NEB: variants seen among roughly 807,000 people sequenced by gnomAD.
NEB encodes the protein nebulin, also known as nemaline myopathy type 2.
A neutral mutation model predicts 952.2 loss-of-function variants in NEB; 512 were observed. The ratio of observed to expected loss-of-function variants is 0.54; its 90% CI spans 0.50 to 0.58. The LOEUF (loss-of-function observed/expected upper bound fraction) is 0.58. Among genes scored for constraint, NEB ranks in the 20% least tolerant of loss-of-function variants. The pLI, the probability that NEB is intolerant of heterozygous loss-of-function variation, is 0.00. For missense variants in NEB, 8,428 were observed against 9,231.1 expected (o/e 0.91, Z 3.56); for synonymous variants, 2,900 against 3,149.8 (o/e 0.92, Z 2.66).
chr2:151,710,004 A>G lies in NEB; in HGVS notation c.928-241T>C, dbSNP rs80294572. Among the ~76,000 whole-genome samples the G allele has an allele frequency of 7.0e-3, 1,069 of 152,346 alleles. 21 individuals are homozygous for G. The highest frequency in any genetic ancestry group is 0.062 in the East Asian group (323 of 5,190). ...GAAAGGCTTTTCTTGGCTACCAAGAAAGATCTCTTAAGGGCCAGGAGCAGG... is the reference window on the plus strand; with the variant it reads ...GAAAGGCTTTTCTTGGCTACCAAGAGAGATCTCTTAAGGGCCAGGAGCAGG... On this transcript the variant is annotated intron_variant, in intron 11 of 181. Coordinates refer to ENST00000397345, the MANE Select transcript of NEB (RefSeq NM_001164508.2).
intron 13 of NEB, among the ~76,000 whole-genome samples, chr2:151,705,183 A>G (rs1403024411): frequency 6.6e-6 from 1 of 152,168 alleles, no homozygotes; most frequent in Non-Finnish European, 1.5e-5. Context: ...ATATATATAT[A>G]TATGAACTGG....
At chr2:151,725,217 T>C (rs2150779407) in intron 6 of NEB, among the ~76,000 whole-genome samples, 1 of 152,370 alleles carries the variant, frequency 6.6e-6, no homozygotes, top group Middle Eastern at 3.4e-3. Flanking sequence ...CACAGTGAGT[T>C]GGAGCTTCCA....
chr2:151,533,616 C>T (rs976496586), intron 142 of NEB, 70 bp from the exon 143 acceptor site: 1 of 957,964 alleles, frequency 1.0e-6, no homozygotes, highest in Non-Finnish European at 1.6e-6. Context: ...GCTCTATATC[C>T]CAATCACCTC....
intron 63 of NEB, among the ~76,000 whole-genome samples, chr2:151,636,604 ACC>A: frequency 6.6e-6 from 1 of 151,942 alleles, no homozygotes; most frequent in South Asian, 2.1e-4. Context: ...ACATGGTGAA[ACC>A]CCATCTCTAC....
chr2:151,683,227 A>T (rs1432088120), intron 28 of NEB, among the ~76,000 whole-genome samples: 1 of 152,202 alleles, frequency 6.6e-6, no homozygotes, highest in African/African-American at 2.4e-5. Flanking sequence ...CGTACTAAGT[A>T]TTTGCACACA....
chr2:151,697,276 T>C, intron 15 of NEB, 24 bp from the exon 16 acceptor site: 2 of 1,611,224 alleles, frequency 1.2e-6, no homozygotes, highest in Non-Finnish European at 1.7e-6. Flanking sequence ...AAATTAGGCA[T>C]AAGATGCAGC....
rs2152620357 is a variant in NEB at position 151,485,908 on chromosome 2, T to TAGTC, written c.25426_25429dup (p.Tyr8477Ter). On this transcript the variant is annotated stop_gained and frameshift_variant, in exon 182 of 182. Coordinates refer to ENST00000397345, the MANE Select transcript of NEB (RefSeq NM_001164508.2). LOFTEE classifies it high-confidence loss of function. ...CACCTCATCTGCATCAGCAGCCATATAGTCATACATGGCACGGAAGATTTT... is the reference window on the plus strand; with the variant it reads ...CACCTCATCTGCATCAGCAGCCATATAGTCAGTCATACATGGCACGGAAGATTTT... 1 of 1,613,906 alleles carries TAGTC rather than the reference T, an allele frequency of 6.2e-7. No individual in the cohort carries two copies. Among genetic ancestry groups the TAGTC allele is most frequent in the Non-Finnish European group, 8.5e-7 (1 of 1,179,838 alleles).
intron 63 of NEB, 127 bp downstream of exon 63, chr2:151,639,153 A>C (rs142346571): frequency 2.2e-5 from 15 of 680,914 alleles, no homozygotes; most frequent in African/African-American, 2.0e-4. Flanking sequence ...TGAGAAATGC[A>C]AGAGTTGTTA....
At chr2:151,529,148 C>T in intron 146 of NEB, 62 bp downstream of exon 146, 1 of 1,082,218 alleles carries the variant, frequency 9.2e-7, no homozygotes, top group East Asian at 2.4e-5. Context: ...TAAAAAGAGG[C>T]CATGTGTCCT....
intron 95 of NEB, 100 bp downstream of exon 95, chr2:151,591,934 G>T (rs1341961131): frequency 6.8e-7 from 1 of 1,461,652 alleles, no homozygotes; most frequent in Non-Finnish European, 9.4e-7. Context: ...AAAAGGAATG[G>T]GAAGAAAATG....
At chr2:151,509,065 T>C (rs954815198) in intron 161 of NEB, among the ~76,000 whole-genome samples, 5 of 152,198 alleles carry the variant, frequency 3.3e-5, no homozygotes, top group African/African-American at 1.2e-4. Context: ...GCCACTGTTA[T>C]AATGGGGATA....
chr2:151,503,222 A>G, intron 166 of NEB, 127 bp downstream of exon 166: 1 of 710,162 alleles, frequency 1.4e-6, no homozygotes, highest in Non-Finnish European at 2.4e-6. Context: ...TTGGTCAGGT[A>G]ATAATACACA....
intron 64 of NEB, among the ~76,000 whole-genome samples, chr2:151,635,664 C>A (rs1452053130): frequency 2.7e-5 from 4 of 149,716 alleles, no homozygotes; most frequent in Non-Finnish European, 5.9e-5. Flanking sequence ...TGAGATCAGG[C>A]CATTGCACTC....
chr2:151,630,649 G>T, intron 67 of NEB, 66 bp downstream of exon 67: 1 of 1,318,730 alleles, frequency 7.6e-7, no homozygotes, highest in Non-Finnish European at 1.1e-6. Flanking sequence ...TGAGGCCCAA[G>T]AATCTCCACA....
intron 153 of NEB, among the ~76,000 whole-genome samples, chr2:151,521,945 G>T (rs1008598104): frequency 1.3e-5 from 2 of 152,120 alleles, no homozygotes; most frequent in Non-Finnish European, 2.9e-5. Context: ...GGAATTCTTG[G>T]AATGGTGTTT....
intron 156 of NEB, among the ~76,000 whole-genome samples, chr2:151,517,119 C>G (rs917770994): frequency 6.6e-6 from 1 of 152,118 alleles, no homozygotes; most frequent in African/African-American, 2.4e-5. Context: ...AAAATGAAAA[C>G]TAGTTTACAT....
At chr2:151,577,081 G>A (rs1000116936) in intron 105 of NEB, among the ~76,000 whole-genome samples, 2 of 152,172 alleles carry the variant, frequency 1.3e-5, no homozygotes, top group Non-Finnish European at 2.9e-5. Flanking sequence ...AGACTTTAAA[G>A]CAACAATAAT....
chr2:151,515,845 T>A, intron 157 of NEB, among the ~76,000 whole-genome samples: 1 of 152,228 alleles, frequency 6.6e-6, no homozygotes, highest in East Asian at 1.9e-4. Flanking sequence ...CTGCTTTTAT[T>A]TAAAACAATT....
chr2:151,672,811 C>T (rs2099316583), intron 36 of NEB, 131 bp from the exon 37 acceptor site: 1 of 759,236 alleles, frequency 1.3e-6, no homozygotes, highest in African/African-American at 1.7e-5. Context: ...AAACCACAAC[C>T]CCCTCCAAAA....
Sources: gnomAD v4.1 joint callset for allele counts (sites outside exome capture counted in the v4.1 genomes callset) on GRCh38, gnomAD v4.1.1 for gene constraint, MANE v1.5 for transcripts, NCBI Gene and HGNC (gene_info 2026-07-23, HGNC 2026-07-21) for gene names.